The following NICN1 variants were observed in gnomAD, a reference collection of about 807,000 sequenced individuals.
The protein encoded by NICN1 is nicolin-1.
A neutral mutation model predicts 26.3 loss-of-function variants in NICN1; 18 were observed. The observed-to-expected ratio is 0.68, with a 90% confidence interval of 0.47 to 1.01. The LOEUF (loss-of-function observed/expected upper bound fraction) is 1.01, where lower values mean the gene tolerates loss of function less well. Among genes scored for constraint, NICN1 ranks in the 50% least tolerant of loss-of-function variants. The pLI, the probability that NICN1 is intolerant of heterozygous loss-of-function variation, is 0.00. For missense variants in NICN1, 239 were observed against 278.3 expected (o/e 0.86, Z 1.00); for synonymous variants, 109 against 111.0 (o/e 0.98, Z 0.11).
In NICN1 at chr3:49,426,242, C is replaced by T; in HGVS notation, c.309+10G>A. 1 of 1,613,258 alleles carries T rather than the reference C, an allele frequency of 6.2e-7. No homozygotes were observed. The highest frequency in any genetic ancestry group is 2.2e-5 in the East Asian group (1 of 44,886). ...CTGGGCTGCCCTGGCCATCCTGAGG[C>T]CCAGCTGACCTGATGCTTGAACAGC... On this transcript the variant is annotated intron_variant, in intron 2 of 5. Coordinates refer to ENST00000273598, the MANE Select transcript of NICN1 (RefSeq NM_032316.3).
rs751237878 is a variant in NICN1, at chr3:49,424,792, G to A, written c.*41C>T. 1.3e-6 allele frequency: 2 copies of A among 1,580,656 alleles called. No homozygotes were observed. Among genetic ancestry groups the A allele is most frequent in the Admixed American group, 1.7e-5 (1 of 59,934 alleles). Reference sequence around the variant, plus strand: ...CTCTGGTGGCCCAAACCAAGTCTGGGTGGGCACAGAAAGGCCAACATCTTG... The same window carrying A: ...CTCTGGTGGCCCAAACCAAGTCTGGATGGGCACAGAAAGGCCAACATCTTG... On this transcript the variant is annotated 3_prime_UTR_variant, in exon 6 of 6. Coordinates refer to ENST00000273598, the MANE Select transcript of NICN1 (RefSeq NM_032316.3).
intron 3 of NICN1, among the ~76,000 whole-genome samples, chr3:49,425,671 C>A (rs547384031): frequency 6.6e-6 from 1 of 152,288 alleles, no homozygotes; most frequent in African/African-American, 2.4e-5. Context: ...CCTAAAGGCT[C>A]CAGCTCTGAA....
Position 49,425,974 on chromosome 3 carries a change from A to G in NICN1, c.332T>C (p.Ile111Thr), listed in dbSNP as rs1221692540. ...KHQMLCDMAR[I>T]SELRLILRQP... is the part of the protein sequence containing the mutation. Reference sequence around the variant, plus strand: ...CCGCAGAATCAGGCGTAGCTCCGATATTCTAGCCATGTCACACAGCATCTG... The same window carrying G: ...CCGCAGAATCAGGCGTAGCTCCGATGTTCTAGCCATGTCACACAGCATCTG... Residue 111 changes from isoleucine (I) to threonine (T), a missense_variant, in exon 3 of 6, where the codon ATA (isoleucine) becomes ACA (threonine). Transcript: ENST00000273598. The G allele has an allele frequency of 6.2e-7, 1 of 1,610,116 alleles. No individual in the cohort carries two copies. Among genetic ancestry groups the G allele is most frequent in the Admixed American group, 1.7e-5 (1 of 59,946 alleles).
At chr3:49,428,484 G>A (rs1327063472) in intron 1 of NICN1, among the ~76,000 whole-genome samples, 1 of 152,120 alleles carries the variant, frequency 6.6e-6, no homozygotes, top group East Asian at 1.9e-4. Context: ...CACTTTGGGA[G>A]GACGAGGTAG....
Position 49,425,418 on chromosome 3 carries a change from G to A in NICN1, c.444C>T (p.Pro148=), listed in dbSNP as rs769249117. Residue 148 remains proline (P), a synonymous_variant, in exon 4 of 6, where the codon CCC becomes CCT. Transcript: ENST00000273598. ...QGPKSPSVTF[P]KWLSHPVPCE... ...AGGGCACTGGGTGGGAGAGCCACTTGGGAAAGGTCACGGAGGGGCTCTGCA... is the reference window on the plus strand; with the variant it reads ...AGGGCACTGGGTGGGAGAGCCACTTAGGAAAGGTCACGGAGGGGCTCTGCA... 17 of 1,613,008 alleles carry A rather than the reference G, an allele frequency of 1.1e-5. No homozygotes were observed. Among genetic ancestry groups the A allele is most frequent in the Non-Finnish European group, 1.4e-5 (16 of 1,179,704 alleles).
Position 49,422,748 on chromosome 3 carries a change from C to G in NICN1, c.*2085G>C, listed in dbSNP as rs992434928. 3.8e-6 allele frequency: 2 copies of G among 527,582 alleles called. No individual in the cohort carries two copies. 32.7% of individuals were successfully genotyped at this position (527,582 alleles called of 1,614,324 possible). On this transcript the variant is annotated 3_prime_UTR_variant, in exon 6 of 6. Transcript: ENST00000273598. ...CTAGACCGCCCCCTGCAGAACCGCC[C>G]TGTCTCCAGAGGGTCAAAGTTCTGG...
intron 1 of NICN1, among the ~76,000 whole-genome samples, chr3:49,427,713 G>A (rs977251981): frequency 2.6e-5 from 4 of 151,786 alleles, no homozygotes; most frequent in African/African-American, 4.8e-5. Context: ...ACCAAAGGGT[G>A]AGAGAACCTG....
chr3:49,423,278 G>C lies in NICN1; in HGVS notation c.*1555C>G, dbSNP rs988584066. The C allele has an allele frequency of 1.3e-5, 2 of 152,278 alleles. No individual in the cohort carries two copies. The highest frequency in any genetic ancestry group is 2.4e-5 in the African/African-American group (1 of 41,412). 9.4% of individuals were successfully genotyped at this position (152,278 alleles called of 1,614,324 possible). On this transcript the variant is annotated 3_prime_UTR_variant, in exon 6 of 6. Transcript: ENST00000273598. ...AGTACTGCTTTGTAATAGCCACCAG[G>C]TGCAAAGCCAGGAAGAACCAGAGGG... is the stretch of plus-strand genomic sequence containing the variant.
Position 49,429,273 on chromosome 3 carries a change from C to A in NICN1, c.-34G>T. On this transcript the variant is annotated 5_prime_UTR_variant, in exon 1 of 6. Transcript: ENST00000273598. ...CAGCCGCAACTAAGTGCAACCGCCG[C>A]TCTAGGCCCCCGACCACCAGCCCTT... 6.4e-7 allele frequency: 1 copy of A among 1,563,778 alleles called. No individual in the cohort carries two copies. The highest frequency in any genetic ancestry group is 8.7e-7 in the Non-Finnish European group (1 of 1,151,754).
Position 49,429,252 on chromosome 3 carries a change from CG to C in NICN1, c.-14del. ...AAACGCGGGACATGGTGACAGCAGC[CG>C]CAACTAAGTGCAACCGCCGCTCTAG... is the stretch of plus-strand genomic sequence containing the variant. On this transcript the variant is annotated 5_prime_UTR_variant, in exon 1 of 6. Transcript: ENST00000273598. 1 of 1,590,078 alleles carries C rather than the reference CG, an allele frequency of 6.3e-7. No individual in the cohort carries two copies. The highest frequency in any genetic ancestry group is 1.1e-5 in the South Asian group (1 of 89,106).
In NICN1 at chr3:49,424,813, T is replaced by C. The variant is rs1559532050; in HGVS notation, c.*20A>G. ...CTGGGTGGGCACAGAAAGGCCAACA[T>C]CTTGGCTAGGAGCAACCATTCAAGT... On this transcript the variant is annotated 3_prime_UTR_variant, in exon 6 of 6. Coordinates refer to ENST00000273598, the MANE Select transcript of NICN1 (RefSeq NM_032316.3). The C allele has an allele frequency of 1.2e-6, 2 of 1,612,312 alleles. No individual in the cohort carries two copies. The highest frequency in any genetic ancestry group is 8.5e-7 in the Non-Finnish European group (1 of 1,178,512).
At chr3:49,425,146 G>C in intron 4 of NICN1, 93 bp from the exon 5 acceptor site, 2 of 1,033,380 alleles carry the variant, frequency 1.9e-6, no homozygotes, top group Non-Finnish European at 3.0e-6. Flanking sequence ...GGGCCCTCCA[G>C]CTGAGACCAA....
rs772744097 is a variant in NICN1 at position 49,425,420 on chromosome 3, G to C, written c.442C>G (p.Pro148Ala). 6.2e-7 allele frequency: 1 copy of C among 1,612,920 alleles called. No homozygotes were observed. Among genetic ancestry groups the C allele is most frequent in the Non-Finnish European group, 8.5e-7 (1 of 1,179,682 alleles). ...QGPKSPSVTFPKWLSHPVPCE... is the reference protein window; with the variant it reads ...QGPKSPSVTFAKWLSHPVPCE... ...GGCACTGGGTGGGAGAGCCACTTGG[G>C]AAAGGTCACGGAGGGGCTCTGCAAA... is the stretch of plus-strand genomic sequence containing the variant. Residue 148 changes from proline (P) to alanine (A), a missense_variant, in exon 4 of 6, where the codon CCC becomes GCC. Physicochemically the swap from Pro to Ala is conservative, Grantham distance 27 (BLOSUM62 -1). Transcript: ENST00000273598.
At position 49,429,123 on chromosome 3, in the gene NICN1, G is replaced by A. The variant is rs1361636136; in HGVS notation, c.117C>T (p.Ser39=). ...GCTTGCTCACCTCGAAGGGAGCGAC[G>A]CTGGGGAAGGTGACATCGATGACCA... The part of the protein sequence containing the change: ...GVLVIDVTFP[S]VAPFELQEIT... The change falls in exon 1 of 6, where the codon AGC becomes AGT. Residue 39 remains serine, a synonymous_variant. Coordinates refer to ENST00000273598, the MANE Select transcript of NICN1 (RefSeq NM_032316.3). 3 of 1,608,636 alleles carry A rather than the reference G, an allele frequency of 1.9e-6. No homozygotes were observed. The highest frequency in any genetic ancestry group is 2.5e-6 in the Non-Finnish European group (3 of 1,177,620).
At position 49,422,534 on chromosome 3, in the gene NICN1, G is replaced by A. The variant is rs757568116; in HGVS notation, c.*2299C>T. On this transcript the variant is annotated 3_prime_UTR_variant, in exon 6 of 6. Coordinates refer to ENST00000273598, the MANE Select transcript of NICN1 (RefSeq NM_032316.3). Reference sequence around the variant, plus strand: ...GGAGATGTAGTCCAGGCCTCTGCTCGGACAGGTCTCTCTCCGGAGCAAAGG... The same window carrying A: ...GGAGATGTAGTCCAGGCCTCTGCTCAGACAGGTCTCTCTCCGGAGCAAAGG... 2.3e-5 allele frequency: 32 copies of A among 1,409,318 alleles called. No homozygotes were observed. Among genetic ancestry groups the A allele is most frequent in the Non-Finnish European group, 3.1e-5 (31 of 1,012,416 alleles). 87.3% of individuals were successfully genotyped at this position (1,409,318 alleles called of 1,614,324 possible). A position where few individuals can be genotyped will look rare whatever the true frequency, so the allele number is the denominator to read the frequency against.
chr3:49,427,055 C>T (rs1046762122), intron 1 of NICN1, among the ~76,000 whole-genome samples: 1 of 152,146 alleles, frequency 6.6e-6, no homozygotes, highest in Non-Finnish European at 1.5e-5. Flanking sequence ...GGCACGGTGG[C>T]TCAAGCCTGT....
In NICN1 at chr3:49,425,436, G is replaced by A. The variant is rs760944708; in HGVS notation, c.426C>T (p.Ser142=). Residue 142 remains serine (S), a splice_region_variant and synonymous_variant, in exon 4 of 6, where the codon AGC becomes AGT. Transcript: ENST00000273598. The stretch of plus-strand genomic sequence containing the variant: ...GCCACTTGGGAAAGGTCACGGAGGG[G>A]CTCTGCAAAGCAAAGATGTACTGCC... ...ELQIYQQGPK[S]PSVTFPKWLS... is the part of the protein sequence containing the mutation. 3.7e-6 allele frequency: 6 copies of A among 1,609,592 alleles called. No individual in the cohort carries two copies. In the Admixed American group the frequency reaches 1.0e-4, roughly 27 times the overall value.
In NICN1 at chr3:49,422,389, G is replaced by C. The variant is rs756101487; in HGVS notation, c.*2444C>G. The C allele has an allele frequency of 2.6e-5, 42 of 1,613,786 alleles. No homozygotes were observed. Among genetic ancestry groups the C allele is most frequent in the Non-Finnish European group, 3.4e-5 (40 of 1,180,032 alleles). ...TGCGCAACTAAGTGGACGACACAAG[G>C]CCGGGGGGAATGCCTGCAGGCGAAA... On this transcript the variant is annotated 3_prime_UTR_variant, in exon 6 of 6. Coordinates refer to ENST00000273598, the MANE Select transcript of NICN1 (RefSeq NM_032316.3).
At chr3:49,425,123 C>T in intron 4 of NICN1, 70 bp from the exon 5 acceptor site, 1 of 1,324,498 alleles carries the variant, frequency 7.6e-7, no homozygotes, top group Non-Finnish European at 1.1e-6. Flanking sequence ...CCAGAGAGGC[C>T]AACCTGGGCT....
Sources: allele counts gnomAD v4.1 joint callset (sites outside exome capture counted in the v4.1 genomes callset), GRCh38; gene constraint gnomAD v4.1.1; transcripts MANE v1.5; gene names NCBI Gene and HGNC (gene_info 2026-07-23, HGNC 2026-07-21).